The following SHROOM3 variants were observed in gnomAD, a reference collection of about 807,000 sequenced individuals.
The protein encoded by SHROOM3 is shroom family member 3.
SHROOM3 carries 47 observed loss-of-function variants against 138.6 expected under a neutral mutation model. That is an observed-to-expected ratio of 0.34 (90% CI 0.27 to 0.43). The LOEUF (loss-of-function observed/expected upper bound fraction) is 0.43. SHROOM3 is among the 20% of genes least tolerant of loss of function. The pLI is 1.00. For synonymous variants in SHROOM3, 1,062 were observed against 1,063.3 expected (o/e 1.00, Z 0.02); for missense variants, 2,491 against 2,596.5 (o/e 0.96, Z 0.88).
chr4:76,723,918 C>G (rs1043554304), intron 3 of SHROOM3, among the ~76,000 whole-genome samples: 1 of 152,204 alleles, frequency 6.6e-6, no homozygotes, highest in East Asian at 1.9e-4. Flanking sequence ...ATCTGAGCCT[C>G]CCCAGCAAGA....
At chr4:76,738,414 T>C (rs955762373) in intron 4 of SHROOM3, among the ~76,000 whole-genome samples, 1 of 152,222 alleles carries the variant, frequency 6.6e-6, no homozygotes, top group African/African-American at 2.4e-5. Flanking sequence ...ATCACTCTTC[T>C]ACCTCTCTCA....
chr4:76,737,853 G>A (rs1721123593), intron 4 of SHROOM3, among the ~76,000 whole-genome samples: 1 of 152,084 alleles, frequency 6.6e-6, no homozygotes, highest in Non-Finnish European at 1.5e-5. Flanking sequence ...TGAGTTTTAA[G>A]TGATTTTTTA....
intron 1 of SHROOM3, among the ~76,000 whole-genome samples, chr4:76,528,548 C>CTTTTT (rs35121750): frequency 5.6e-5 from 7 of 125,036 alleles, no homozygotes; most frequent in East Asian, 2.3e-4. Context: ...TTCTTTCTTT[C>CTTTTT]TTTTTTTTTT....
Position 76,754,271 on chromosome 4 carries a change from T to C in SHROOM3, c.3828-40T>C, listed in dbSNP as rs759330239. ...GCATTGGGCTGCATGTTTGCCCCTT[T>C]CTTCAGAGCTGTAACCCTCCTGTCT... is the stretch of plus-strand genomic sequence containing the variant. On this transcript the variant is annotated intron_variant, in intron 6 of 10. Coordinates refer to ENST00000296043, the MANE Select transcript of SHROOM3 (RefSeq NM_020859.4). 2.5e-6 allele frequency: 4 copies of C among 1,613,822 alleles called. No individual in the cohort carries two copies. In the South Asian group the frequency reaches 3.3e-5, roughly 13 times the overall value.
chr4:76,551,406 C>T (rs566833892), intron 1 of SHROOM3, among the ~76,000 whole-genome samples: 18 of 152,218 alleles, frequency 1.2e-4, no homozygotes, highest in South Asian at 2.1e-4. Context: ...GGTCTCATTT[C>T]GTTGAAATTG....
intron 2 of SHROOM3, among the ~76,000 whole-genome samples, chr4:76,658,686 G>T (rs556501614): frequency 2.0e-5 from 3 of 151,820 alleles, no homozygotes; most frequent in Non-Finnish European, 4.4e-5. Context: ...GTGTGTGTTT[G>T]TGTGTGTGTG....
chr4:76,778,352 G>A (rs555742157), intron 10 of SHROOM3, among the ~76,000 whole-genome samples: 89 of 151,934 alleles, frequency 5.9e-4, no homozygotes, highest in Non-Finnish European at 9.3e-4. Context: ...CTCCCAAGTA[G>A]CTGGTATTAC....
At chr4:76,765,315 G>T (rs1483167753) in intron 9 of SHROOM3, among the ~76,000 whole-genome samples, 1 of 144,556 alleles carries the variant, frequency 6.9e-6, no homozygotes, top group Non-Finnish European at 1.5e-5. Context: ...AAGAGTTCAA[G>T]ACCAGCCTGG....
intron 2 of SHROOM3, among the ~76,000 whole-genome samples, chr4:76,706,104 TTTTTG>T (rs1354403643): frequency 6.6e-6 from 1 of 151,952 alleles, no homozygotes; most frequent in African/African-American, 2.4e-5. Context: ...AAAAGAATGG[TTTTTG>T]TTTTGTTTTG....
chr4:76,584,504 A>G (rs1270684507), intron 2 of SHROOM3, among the ~76,000 whole-genome samples: 2 of 152,166 alleles, frequency 1.3e-5, no homozygotes, highest in Non-Finnish European at 2.9e-5. Flanking sequence ...ACTATGAGGA[A>G]GTGACTGGTG....
rs768472751 is a variant in SHROOM3 at position 76,759,689 on chromosome 4, AAAG to A, written c.5347_5349del (p.Lys1783del). ...AAGAGGAACAGGCAGATGTCAATGA[AAAG>A]AAGGTAAATAAAGAATGGGATGCCC... On this transcript the variant is annotated inframe_deletion, in exon 9 of 11. Transcript: ENST00000296043. 1 of 1,613,848 alleles carries A rather than the reference AAAG, an allele frequency of 6.2e-7. No homozygotes were observed. The highest frequency in any genetic ancestry group is 8.5e-7 in the Non-Finnish European group (1 of 1,179,888).
chr4:76,683,654 G>A (rs1719260288), intron 2 of SHROOM3, among the ~76,000 whole-genome samples: 1 of 152,050 alleles, frequency 6.6e-6, no homozygotes, highest in Non-Finnish European at 1.5e-5. Context: ...TTTTGACTCT[G>A]AACATTTTTC....
intron 1 of SHROOM3, among the ~76,000 whole-genome samples, chr4:76,466,935 G>A (rs897716378): frequency 3.9e-5 from 6 of 152,082 alleles, no homozygotes; most frequent in Non-Finnish European, 8.8e-5. Context: ...CTTCTCTGCT[G>A]GGGGAGTAAG....
intron 1 of SHROOM3, among the ~76,000 whole-genome samples, chr4:76,460,834 AAAAAAAAAAAT>A (rs1221084791): frequency 1.4e-5 from 2 of 147,224 alleles, no homozygotes; most frequent in African/African-American, 4.9e-5. Context: ...CTACAAAAAA[AAAAAAAAAAAT>A]TAGCCAGGCA....
rs761654422 is a variant in SHROOM3, at chr4:76,739,723, A to G, written c.1550A>G (p.Asn517Ser). ...ACNKMATIDENGNQNGSGRPG... is the reference protein window; with the variant it reads ...ACNKMATIDESGNQNGSGRPG... ...AACAAGATGGCTACCATTGATGAGA[A>G]TGGGAACCAGAATGGATCTGGCAGG... Residue 517 changes from asparagine to serine, a missense_variant, in exon 5 of 11, where the codon AAT becomes AGT. Coordinates refer to ENST00000296043, the MANE Select transcript of SHROOM3 (RefSeq NM_020859.4). 7 of 1,614,202 alleles carry G rather than the reference A, an allele frequency of 4.3e-6. No individual in the cohort carries two copies. In the South Asian group the frequency reaches 5.5e-5, roughly 13 times the overall value.
chr4:76,518,361 T>C (rs1220975162), intron 1 of SHROOM3, among the ~76,000 whole-genome samples: 1 of 152,160 alleles, frequency 6.6e-6, no homozygotes, highest in African/African-American at 2.4e-5. Flanking sequence ...ATCTTTGTTG[T>C]GGTTGAATGA....
intron 1 of SHROOM3, among the ~76,000 whole-genome samples, chr4:76,477,134 A>C (rs1048235611): frequency 6.6e-6 from 1 of 151,924 alleles, no homozygotes; most frequent in South Asian, 2.1e-4. Context: ...CGCCCGGCTA[A>C]TTTTTAATAT....
At chr4:76,498,080 T>C (rs1732006826) in intron 1 of SHROOM3, among the ~76,000 whole-genome samples, 1 of 152,174 alleles carries the variant, frequency 6.6e-6, no homozygotes, top group South Asian at 2.1e-4. Flanking sequence ...TCAATTATAG[T>C]TTGTTCTCTT....
chr4:76,439,443 G>A (rs768302635), intron 1 of SHROOM3, among the ~76,000 whole-genome samples: 9 of 152,126 alleles, frequency 5.9e-5, no homozygotes, highest in Admixed American at 2.0e-4. Flanking sequence ...CATCTTAGGG[G>A]AGACAGGGCA....
Sources: gnomAD v4.1 joint callset for allele counts (sites outside exome capture counted in the v4.1 genomes callset) on GRCh38, gnomAD v4.1.1 for gene constraint, MANE v1.5 for transcripts, NCBI Gene and HGNC (gene_info 2026-07-23, HGNC 2026-07-21) for gene names.